Variants in PCDHGA11 observed in about 807,000 individuals in gnomAD.
PCDHGA11 encodes protocadherin gamma subfamily A, 11, also known as protocadherin gamma-A11.
A neutral mutation model predicts 60.4 loss-of-function variants in PCDHGA11; 39 were observed. That is an observed-to-expected ratio of 0.65 (90% CI 0.50 to 0.84). The LOEUF (loss-of-function observed/expected upper bound fraction) is 0.84. Among genes scored for constraint, PCDHGA11 ranks in the 40% least tolerant of loss-of-function variants. PCDHGA11 has a pLI of 0.00. For missense variants in PCDHGA11, 1,165 were observed against 1,197.7 expected, an observed-to-expected ratio of 0.97 and a Z score of 0.40; for synonymous variants, 533 against 510.3, an observed-to-expected ratio of 1.04 and a Z score of -0.60.
chr5:141,457,495 T>C (rs2098922394), intron 1 of PCDHGA11, among the ~76,000 whole-genome samples: 1 of 152,204 alleles, frequency 6.6e-6, no homozygotes, highest in Admixed American at 6.5e-5. Context: ...GTCTAAAATG[T>C]AGGCAAAAAG....
At chr5:141,501,366 T>G (rs1297210978) in intron 2 of PCDHGA11, among the ~76,000 whole-genome samples, 1 of 150,672 alleles carries the variant, frequency 6.6e-6, no homozygotes, top group Non-Finnish European at 1.5e-5. Flanking sequence ...ACCATATTCA[T>G]CATCTCTTAA....
intron 1 of PCDHGA11, chr5:141,441,834 C>T (rs370689467): frequency 2.6e-5 from 9 of 352,638 alleles, no homozygotes; most frequent in Non-Finnish European, 3.9e-5. Flanking sequence ...GCAATGGCTT[C>T]GCGCTCTTGG....
chr5:141,475,300 T>C (rs1383092136), intron 1 of PCDHGA11, among the ~76,000 whole-genome samples: 3 of 152,332 alleles, frequency 2.0e-5, no homozygotes, highest in South Asian at 2.1e-4. Context: ...AATTTCTTAT[T>C]GCTCCCTGGT....
intron 1 of PCDHGA11, among the ~76,000 whole-genome samples, chr5:141,447,244 A>T (rs1475037979): frequency 6.6e-6 from 1 of 152,062 alleles, no homozygotes; most frequent in Non-Finnish European, 1.5e-5. Flanking sequence ...GGTTCAAGTG[A>T]TTCTTCTGTC....
intron 1 of PCDHGA11, chr5:141,479,186 T>C (rs956575218): frequency 3.3e-5 from 5 of 152,590 alleles, no homozygotes; most frequent in Admixed American, 3.3e-4. Flanking sequence ...GCTAGAAAAT[T>C]CAGAAAATAC....
intron 1 of PCDHGA11, among the ~76,000 whole-genome samples, chr5:141,474,432 C>T (rs1050895539): frequency 6.6e-6 from 1 of 152,214 alleles, no homozygotes; most frequent in Non-Finnish European, 1.5e-5. Context: ...GGTCCTCACA[C>T]TTTGAGTAGC....
At chr5:141,467,360 C>T (rs965838962) in intron 1 of PCDHGA11, among the ~76,000 whole-genome samples, 3 of 152,010 alleles carry the variant, frequency 2.0e-5, no homozygotes, top group Non-Finnish European at 4.4e-5. Context: ...GCCAAATCAA[C>T]GTTTTCTTAT....
chr5:141,483,589 G>A (rs189449393), intron 1 of PCDHGA11, among the ~76,000 whole-genome samples: 17 of 152,214 alleles, frequency 1.1e-4, no homozygotes, highest in Admixed American at 1.1e-3. Context: ...ACACCTAATA[G>A]GTCAGGCTGG....
chr5:141,495,449 GCT>G (rs560850951), intron 2 of PCDHGA11, among the ~76,000 whole-genome samples: 3 of 152,194 alleles, frequency 2.0e-5, no homozygotes, highest in Non-Finnish European at 2.9e-5. Flanking sequence ...TACTTGTCCT[GCT>G]CTCTGTCTGT....
At position 141,421,291 on chromosome 5, in the gene PCDHGA11, G is replaced by C; in HGVS notation, c.64G>C (p.Gly22Arg). The stretch of plus-strand genomic sequence containing the variant: ...GCTGCTGCTGCTGTGCATTTTCCTG[G>C]GGACGCTGCGGGGGTTCCGGGCCAG... ...RLLLLLCIFL[G>R]TLRGFRARQI... The change falls in exon 1 of 4, where the codon GGG becomes CGG. Residue 22 changes from glycine to arginine, a missense_variant. Physicochemically the swap from Gly to Arg is moderately radical, Grantham distance 125. Transcript: ENST00000398587. The C allele has an allele frequency of 6.2e-7, 1 of 1,613,364 alleles. No homozygotes were observed. Among genetic ancestry groups the C allele is most frequent in the Middle Eastern group, 1.6e-4 (1 of 6,062 alleles).
At chr5:141,478,563 C>G (rs1484075735) in intron 1 of PCDHGA11, 16 of 1,596,154 alleles carry the variant, frequency 1.0e-5, no homozygotes, top group African/African-American at 1.3e-5. Context: ...TTTAGCAAGT[C>G]ATGCTTGACC....
At chr5:141,447,657 C>A (rs997179275) in intron 1 of PCDHGA11, among the ~76,000 whole-genome samples, 4 of 152,088 alleles carry the variant, frequency 2.6e-5, no homozygotes, top group Non-Finnish European at 4.4e-5. Context: ...TTTTCCCCCC[C>A]AGGAAGTTAG....
chr5:141,476,098 G>A lies in PCDHGA11; in HGVS notation c.2434-18709G>A, dbSNP rs1241353656. The A allele has an allele frequency of 4.5e-6, 7 of 1,573,026 alleles. No homozygotes were observed. Among genetic ancestry groups the A allele is most frequent in the Non-Finnish European group, 6.0e-6 (7 of 1,163,102 alleles). ...AGGGACGATCTGGACCCCGCTGAGA[G>A]GAACTGCTTTTGAGTGAGATGGTCC... On this transcript the variant is annotated intron_variant, in intron 1 of 3. Transcript: ENST00000398587. This position sits in a 1 kb window ranked among gnomAD's most constrained non-coding sequence, Gnocchi z 7.6.
chr5:141,437,331 A>T (rs2097876062), intron 1 of PCDHGA11, among the ~76,000 whole-genome samples: 1 of 152,244 alleles, frequency 6.6e-6, no homozygotes, highest in South Asian at 2.1e-4. Context: ...TAAAATTTGT[A>T]GCTTCACTGT....
At position 141,487,329 on chromosome 5, in the gene PCDHGA11, C is replaced by T; in HGVS notation, c.2434-7478C>T. On this transcript the variant is annotated intron_variant, in intron 1 of 3. Coordinates refer to ENST00000398587, the MANE Select transcript of PCDHGA11 (RefSeq NM_018914.3). This position sits in a 1 kb window ranked among gnomAD's most constrained non-coding sequence, Gnocchi z 5.0. Reference sequence around the variant, plus strand: ...CTACTCTCTAAGTGTCTTCGTGGGGCAGCCTGTGGAGTCACATGCTTTCCT... The same window carrying T: ...CTACTCTCTAAGTGTCTTCGTGGGGTAGCCTGTGGAGTCACATGCTTTCCT... 1 of 1,614,170 alleles carries T rather than the reference C, an allele frequency of 6.2e-7. No homozygotes were observed. The highest frequency in any genetic ancestry group is 1.1e-5 in the South Asian group (1 of 91,070).
chr5:141,463,990 G>C (rs2099073582), intron 1 of PCDHGA11, among the ~76,000 whole-genome samples: 1 of 151,990 alleles, frequency 6.6e-6, no homozygotes, highest in Admixed American at 6.6e-5. Context: ...TAAAAACCAG[G>C]TGCAGTGGCT....
intron 1 of PCDHGA11, chr5:141,426,867 G>A (rs1436078091): frequency 4.4e-6 from 2 of 456,708 alleles, no homozygotes; most frequent in Non-Finnish European, 8.8e-6. Flanking sequence ...ATTAGTGCTG[G>A]AGAAGCCCCT....
At position 141,423,117 on chromosome 5, in the gene PCDHGA11, G is replaced by T; in HGVS notation, c.1890G>T (p.Ala630=). 1 of 1,613,816 alleles carries T rather than the reference G, an allele frequency of 6.2e-7. No homozygotes were observed. Among genetic ancestry groups the T allele is most frequent in the Non-Finnish European group, 8.5e-7 (1 of 1,179,976 alleles). The stretch of plus-strand genomic sequence containing the variant: ...AGCACACGGGCGAGGTGCGTACAGC[G>T]CGGGCACTGCTGGACAGAGACGCGC... ...VGEHTGEVRT[A]RALLDRDALK... Residue 630 remains alanine, a synonymous_variant, in exon 1 of 4, where the codon GCG becomes GCT. Coordinates refer to ENST00000398587, the MANE Select transcript of PCDHGA11 (RefSeq NM_018914.3).
In PCDHGA11 at chr5:141,476,477, G is replaced by T. The variant is rs768824553; in HGVS notation, c.2434-18330G>T. The T allele has an allele frequency of 1.9e-6, 3 of 1,614,078 alleles. No homozygotes were observed. The highest frequency in any genetic ancestry group is 1.7e-5 in the Admixed American group (1 of 60,016). Reference sequence around the variant, plus strand: ...GGAGAACCCGCTGGAGCTGTTCAGCGTGGAAGTGGTGATCCAGGACATCAA... The same window carrying T: ...GGAGAACCCGCTGGAGCTGTTCAGCTTGGAAGTGGTGATCCAGGACATCAA... On this transcript the variant is annotated intron_variant, in intron 1 of 3. Coordinates refer to ENST00000398587, the MANE Select transcript of PCDHGA11 (RefSeq NM_018914.3). This position sits in a 1 kb window ranked among gnomAD's most constrained non-coding sequence, Gnocchi z 7.6.
Sources: gnomAD v4.1 joint callset for allele counts (sites outside exome capture counted in the v4.1 genomes callset) on GRCh38, gnomAD v4.1.1 for gene constraint, Gnocchi (gnomAD v3.1) non-coding constraint, MANE v1.5 for transcripts, NCBI Gene and HGNC (gene_info 2026-07-23, HGNC 2026-07-21) for gene names.